The following KIF21A variants were observed in gnomAD, a reference collection of about 807,000 sequenced individuals.
KIF21A encodes the protein kinesin family member 21A.
In KIF21A, 114 loss-of-function variants were observed where a neutral mutation model predicts 202.9. The ratio of observed to expected loss-of-function variants is 0.56; its 90% CI spans 0.48 to 0.66. KIF21A has a LOEUF of 0.66. KIF21A is among the 30% of genes least tolerant of loss of function. The probability of loss-of-function intolerance (pLI) is 0.00; values close to 1 mark genes in which losing one functional copy is unlikely to be tolerated. For missense variants in KIF21A, 1,677 were observed against 1,994.9 expected (o/e 0.84, Z 3.04); for synonymous variants, 667 against 670.8 (o/e 0.99, Z 0.09).
chr12:39,352,308 G>T (rs545002588), intron 10 of KIF21A, among the ~76,000 whole-genome samples: 10 of 152,078 alleles, frequency 6.6e-5, no homozygotes, highest in African/African-American at 2.4e-4. Flanking sequence ...ATGCTAAAAA[G>T]TTTTCCAAAA....
chr12:39,334,602 A>G (rs115578405), intron 17 of KIF21A, among the ~76,000 whole-genome samples: 1 of 152,232 alleles, frequency 6.6e-6, no homozygotes, highest in Non-Finnish European at 1.5e-5. Flanking sequence ...AACTTGTTAC[A>G]TTAAATTTCT....
chr12:39,433,238 C>G (rs974831613), intron 1 of KIF21A, among the ~76,000 whole-genome samples: 2 of 152,008 alleles, frequency 1.3e-5, no homozygotes, highest in African/African-American at 4.8e-5. Flanking sequence ...GACAAGCTTA[C>G]AAGATATACT....
At chr12:39,337,859 G>A (rs1295540894) in intron 16 of KIF21A, among the ~76,000 whole-genome samples, 2 of 152,162 alleles carry the variant, frequency 1.3e-5, no homozygotes, top group African/African-American at 4.8e-5. Flanking sequence ...CCCGTTTGCA[G>A]TAGTGCTGGT....
chr12:39,301,931 C>T (rs757421897), intron 36 of KIF21A, among the ~76,000 whole-genome samples: 2 of 152,056 alleles, frequency 1.3e-5, no homozygotes, highest in Non-Finnish European at 2.9e-5. Context: ...TGTAAAAGAC[C>T]CTGAAAATAC....
chr12:39,436,450 T>TATATATATATATATATATATATATATA, intron 1 of KIF21A, among the ~76,000 whole-genome samples: 1 of 60,838 alleles, frequency 1.6e-5, no homozygotes, highest in Admixed American at 1.7e-4. Flanking sequence ...ATATATATAT[T>TATATATATATATATATATATATATATA]TTTTTTTTTT....
At position 39,322,878 on chromosome 12, in the gene KIF21A, C is replaced by G; in HGVS notation, c.3461G>C (p.Arg1154Pro). 1 of 1,522,664 alleles carries G rather than the reference C, an allele frequency of 6.6e-7. No homozygotes were observed. Among genetic ancestry groups the G allele is most frequent in the Non-Finnish European group, 8.8e-7 (1 of 1,139,236 alleles). The allele number at this position is 1,522,664 out of a possible 1,614,324, so 94.3% of individuals were successfully genotyped here. ...CGEVKPKNKARRRTTTQMELL... is the reference protein window; with the variant it reads ...CGEVKPKNKAPRRTTTQMELL... ...TTCCATCTGAGTGGTGGTTCTCCTTCGGGCCTAGTCAAAGAATGGAAGGAA... is the reference window on the plus strand; with the variant it reads ...TTCCATCTGAGTGGTGGTTCTCCTTGGGGCCTAGTCAAAGAATGGAAGGAA... The change falls in exon 27 of 38, where the codon CGA becomes CCA. Residue 1154 changes from arginine to proline, a missense_variant. Arg to Pro is a moderately radical substitution (Grantham distance 103). Around this residue, in one of 3 missense-constraint regions of KIF21A, gnomAD observed 705 missense variants for 791.9 expected, o/e 0.89. Transcript: ENST00000361418.
chr12:39,427,651 C>T (rs1360322664), intron 1 of KIF21A, among the ~76,000 whole-genome samples: 1 of 152,122 alleles, frequency 6.6e-6, no homozygotes, highest in African/African-American at 2.4e-5. Context: ...AAGATGACTG[C>T]TATTGCATCT....
chr12:39,334,080 A>G (rs1946734965), intron 17 of KIF21A, among the ~76,000 whole-genome samples: 1 of 151,860 alleles, frequency 6.6e-6, no homozygotes, highest in African/African-American at 2.4e-5. Context: ...ACGTGCCTCC[A>G]ATCTCAGCTA....
chr12:39,361,522 C>CTTTT (rs541860250), intron 7 of KIF21A, among the ~76,000 whole-genome samples: 12 of 131,732 alleles, frequency 9.1e-5, no homozygotes, highest in African/African-American at 2.4e-4. Context: ...AACTTTCTTT[C>CTTTT]TTTTTTTTTT....
At chr12:39,429,766 G>T (rs533108662) in intron 1 of KIF21A, among the ~76,000 whole-genome samples, 2 of 152,128 alleles carry the variant, frequency 1.3e-5, no homozygotes, top group East Asian at 1.9e-4. Context: ...AGAAATTATG[G>T]TTAGTTATTA....
At chr12:39,357,109 G>T (rs1948833444) in intron 9 of KIF21A, 139 bp downstream of exon 9, 3 of 709,946 alleles carry the variant, frequency 4.2e-6, no homozygotes, top group East Asian at 2.6e-5. Flanking sequence ...TTGAAATTAG[G>T]TATTTAACTT....
Position 39,341,635 on chromosome 12 carries a change from T to A in KIF21A, c.1804-13A>T. On this transcript the variant is annotated splice_polypyrimidine_tract_variant and intron_variant, in intron 13 of 37. Coordinates refer to ENST00000361418, the MANE Select transcript of KIF21A (RefSeq NM_001173464.2). Reference sequence around the variant, plus strand: ...CTTGACTTTCTTCCTAAAATGTGATTTGTAAAAATTAATAGCACAATATTG... The same window carrying A: ...CTTGACTTTCTTCCTAAAATGTGATATGTAAAAATTAATAGCACAATATTG... 6.3e-7 allele frequency: 1 copy of A among 1,593,112 alleles called. No homozygotes were observed. Among genetic ancestry groups the A allele is most frequent in the Non-Finnish European group, 8.5e-7 (1 of 1,169,646 alleles).
chr12:39,332,101 A>G, intron 21 of KIF21A, 113 bp downstream of exon 21: 2 of 987,642 alleles, frequency 2.0e-6, no homozygotes, highest in Admixed American at 3.7e-5. Context: ...TAAGCATTAG[A>G]TTAGACCAGG....
chr12:39,421,670 G>A (rs919842702), intron 1 of KIF21A, among the ~76,000 whole-genome samples: 1 of 149,902 alleles, frequency 6.7e-6, no homozygotes, highest in African/African-American at 2.5e-5. Flanking sequence ...TCCAACCTGG[G>A]TGACAGGGCA....
chr12:39,307,661 G>A lies in KIF21A; in HGVS notation c.4346C>T (p.Ser1449Phe). The A allele has an allele frequency of 1.9e-6, 3 of 1,613,994 alleles. No individual in the cohort carries two copies. The highest frequency in any genetic ancestry group is 1.1e-5 in the South Asian group (1 of 91,080). The stretch of plus-strand genomic sequence containing the variant: ...AATTTGATTGATCTGGTTCTCTCCA[G>A]AAGGAATAGCTACTGTTCGACTGGT... Reference protein sequence around the residue: ...ASTSRTVAIPSGENQINQIAL... With the variant: ...ASTSRTVAIPFGENQINQIAL... Residue 1449 changes from serine (S) to phenylalanine (F), a missense_variant, in exon 34 of 38, where the codon TCT (serine) becomes TTT (phenylalanine). By Grantham distance (155) the Ser-to-Phe change is radical (BLOSUM62 -2). Around this residue, in one of 3 missense-constraint regions of KIF21A, gnomAD observed 705 missense variants for 791.9 expected, o/e 0.89. Coordinates refer to ENST00000361418, the MANE Select transcript of KIF21A (RefSeq NM_001173464.2).
chr12:39,405,063 A>G (rs1209352535), intron 1 of KIF21A, among the ~76,000 whole-genome samples: 1 of 152,186 alleles, frequency 6.6e-6, no homozygotes, highest in East Asian at 1.9e-4. Flanking sequence ...TGGTAAAAAT[A>G]TACTTGAAGG....
chr12:39,337,342 G>T, intron 16 of KIF21A, 139 bp from the exon 17 acceptor site: 1 of 650,644 alleles, frequency 1.5e-6, no homozygotes, highest in Admixed American at 2.5e-5. Context: ...GTTTAAAGTG[G>T]GCAATTCTTA....
intron 1 of KIF21A, among the ~76,000 whole-genome samples, chr12:39,389,877 C>T (rs1951221728): frequency 1.3e-5 from 2 of 152,236 alleles, no homozygotes; most frequent in South Asian, 4.1e-4. Context: ...TATATAGTGT[C>T]AACCCAACAG....
In KIF21A at chr12:39,301,643, G is replaced by A. The variant is rs2271477; in HGVS notation, c.4768C>T (p.Leu1590=). The A allele has an allele frequency of 0.056, 90,454 of 1,613,900 alleles. 3,440 individuals carry two copies. Among genetic ancestry groups the A allele is most frequent in the East Asian group, 0.18 (8,003 of 44,854 alleles). The stretch of plus-strand genomic sequence containing the variant: ...ACTGGGTGGTCTGGCACCACTCCCA[G>A]GGCACAGACCCAATCCTTATGTGCA... ...PNAHKDWVCA[L]GVVPDHPVLL... The change falls in exon 37 of 38, where the codon CTG becomes TTG. Residue 1590 remains leucine (L), a synonymous_variant. Coordinates refer to ENST00000361418, the MANE Select transcript of KIF21A (RefSeq NM_001173464.2).
Sources: allele counts gnomAD v4.1 joint callset (sites outside exome capture counted in the v4.1 genomes callset), GRCh38; gene constraint gnomAD v4.1.1; regional missense constraint gnomAD v4.1.1; transcripts MANE v1.5; gene names NCBI Gene and HGNC (gene_info 2026-07-23, HGNC 2026-07-21).